CDK8: variants seen among roughly 807,000 people sequenced by gnomAD.
CDK8 encodes the protein cyclin dependent kinase 8.
Under a neutral mutation model 71.5 loss-of-function variants are expected in CDK8, and 29 were observed. The observed-to-expected ratio is 0.41, with a 90% CI of 0.30 to 0.55. The LOEUF (loss-of-function observed/expected upper bound fraction) is 0.55, where lower values mean the gene tolerates loss of function less well. Among genes scored for constraint, CDK8 ranks in the 20% least tolerant of loss-of-function variants. The pLI is 0.37. For missense variants in CDK8, 288 were observed against 572.6 expected, an observed-to-expected ratio of 0.50 and a Z score of 5.07; for synonymous variants, 161 against 192.1, an observed-to-expected ratio of 0.84 and a Z score of 1.34.
chr13:26,362,233 T>TGGATGGAG (rs1874179845), intron 4 of CDK8, among the ~76,000 whole-genome samples: 1 of 149,866 alleles, frequency 6.7e-6, no homozygotes, highest in African/African-American at 2.5e-5. Context: ...GATGGATGGA[T>TGGATGGAG]GGATGGATGG....
intron 1 of CDK8, among the ~76,000 whole-genome samples, chr13:26,300,797 A>G (rs970332744): frequency 2.0e-5 from 3 of 152,232 alleles, no homozygotes; most frequent in African/African-American, 4.8e-5. Context: ...GCAAACAGGT[A>G]TTGATTATCC....
Position 26,334,358 on chromosome 13 carries a change from A to G in CDK8, c.129-3209A>G, listed in dbSNP as rs138556521. ...AACAGTAGATATAATAGAATGTGTTATACCCTTGGATTGACCATCTGGTTA... is the reference window on the plus strand; with the variant it reads ...AACAGTAGATATAATAGAATGTGTTGTACCCTTGGATTGACCATCTGGTTA... On this transcript the variant is annotated intron_variant, in intron 1 of 12. Transcript: ENST00000381527. Among the ~76,000 whole-genome samples, 137 of 152,320 alleles carry G rather than the reference A, an allele frequency of 9.0e-4. 1 individual carries two copies. Among genetic ancestry groups the G allele is most frequent in the African/African-American group, 3.2e-3 (133 of 41,580 alleles).
chr13:26,375,542 C>T (rs1874905805), intron 4 of CDK8, among the ~76,000 whole-genome samples: 1 of 152,210 alleles, frequency 6.6e-6, no homozygotes, highest in Admixed American at 6.5e-5. Context: ...ATATATCTTT[C>T]CACACAGTAA....
intron 1 of CDK8, among the ~76,000 whole-genome samples, chr13:26,309,500 T>C (rs1445882508): frequency 2.6e-5 from 4 of 152,196 alleles, no homozygotes; most frequent in Admixed American, 1.3e-4. Context: ...TTTGAATTAT[T>C]ATACTTTAGT....
At chr13:26,393,768 T>C (rs188896522) in intron 7 of CDK8, among the ~76,000 whole-genome samples, 19 of 152,310 alleles carry the variant, frequency 1.2e-4, no homozygotes, top group Admixed American at 2.6e-4. Flanking sequence ...TGTTTTGTTA[T>C]TTGGTATTTG....
At chr13:26,313,259 T>C (rs1348626387) in intron 1 of CDK8, among the ~76,000 whole-genome samples, 1 of 152,164 alleles carries the variant, frequency 6.6e-6, no homozygotes, top group Non-Finnish European at 1.5e-5. Context: ...ATGTACTTAG[T>C]ACTATGTGCT....
chr13:26,359,848 T>C, intron 4 of CDK8: 1 of 252,032 alleles, frequency 4.0e-6, no homozygotes, highest in Non-Finnish European at 8.2e-6. Flanking sequence ...CCCAAGTAGC[T>C]GGGATTACAG....
chr13:26,273,561 A>G (rs976810157), intron 1 of CDK8, among the ~76,000 whole-genome samples: 15 of 152,090 alleles, frequency 9.9e-5, no homozygotes, highest in Non-Finnish European at 8.8e-5. Flanking sequence ...TTATACATAC[A>G]CATATATGAT....
At chr13:26,302,382 A>G (rs1284051094) in intron 1 of CDK8, among the ~76,000 whole-genome samples, 2 of 152,348 alleles carry the variant, frequency 1.3e-5, no homozygotes, top group Non-Finnish European at 2.9e-5. Context: ...TTTCCTATAT[A>G]TGAACCAATT....
chr13:26,329,285 ATCTC>A (rs1875176209), intron 1 of CDK8, among the ~76,000 whole-genome samples: 1 of 151,632 alleles, frequency 6.6e-6, no homozygotes, highest in Non-Finnish European at 1.5e-5. Context: ...TACTCCTCCC[ATCTC>A]TTAAAGGTGA....
chr13:26,301,024 G>A (rs2137915966), intron 1 of CDK8, among the ~76,000 whole-genome samples: 1 of 152,200 alleles, frequency 6.6e-6, no homozygotes, highest in Middle Eastern at 3.4e-3. Flanking sequence ...CAGGAAGACA[G>A]GAGTATTGCA....
At chr13:26,365,841 C>T (rs183418169) in intron 4 of CDK8, among the ~76,000 whole-genome samples, 4 of 152,044 alleles carry the variant, frequency 2.6e-5, no homozygotes, top group Admixed American at 6.6e-5. Context: ...TGATTTAATA[C>T]GATATTAATG....
rs560056456 is a variant in CDK8 at position 26,357,907 on chromosome 13, T to G, written c.456+4027T>G. On this transcript the variant is annotated intron_variant, in intron 4 of 12. Coordinates refer to ENST00000381527, the MANE Select transcript of CDK8 (RefSeq NM_001260.3). Reference sequence around the variant, plus strand: ...TGTGTTTTACTCAAAGTCCACTGATTTAAATGTTAATCTCATCCAACAAAA... The same window carrying G: ...TGTGTTTTACTCAAAGTCCACTGATGTAAATGTTAATCTCATCCAACAAAA... Among the ~76,000 whole-genome samples the G allele has an allele frequency of 5.9e-5, 9 of 152,340 alleles. No homozygotes were observed. In the South Asian group the frequency reaches 1.9e-3, roughly 32 times the overall value.
chr13:26,376,127 C>T (rs928856056), intron 4 of CDK8, among the ~76,000 whole-genome samples: 27 of 151,972 alleles, frequency 1.8e-4, no homozygotes, highest in African/African-American at 5.8e-4. Flanking sequence ...TGTTATACCA[C>T]CAAATCTATA....
intron 4 of CDK8, among the ~76,000 whole-genome samples, chr13:26,365,555 A>C (rs141653814): frequency 4.2e-4 from 64 of 152,228 alleles, no homozygotes; most frequent in African/African-American, 1.5e-3. Flanking sequence ...AAGAATGGTT[A>C]TTCTAAATTA....
At chr13:26,287,529 A>G (rs1873077663) in intron 1 of CDK8, among the ~76,000 whole-genome samples, 1 of 152,214 alleles carries the variant, frequency 6.6e-6, no homozygotes, top group African/African-American at 2.4e-5. Flanking sequence ...TGAGGATGCA[A>G]AGGCATAAGA....
chr13:26,259,548 C>G (rs1263839557), intron 1 of CDK8, among the ~76,000 whole-genome samples: 2 of 152,190 alleles, frequency 1.3e-5, no homozygotes, highest in East Asian at 3.9e-4. Flanking sequence ...GGAACGCACC[C>G]CTTGTGGATA....
chr13:26,262,494 C>A (rs962193167), intron 1 of CDK8, among the ~76,000 whole-genome samples: 1 of 152,062 alleles, frequency 6.6e-6, no homozygotes, highest in African/African-American at 2.4e-5. Flanking sequence ...AAAAGTAATA[C>A]CTGTGAAAAT....
rs59571405 is a variant in CDK8, at chr13:26,284,322, TAAACAA to T, written c.128+29562_128+29567del. ...CAGAACTAAACAAAATTGAAACAGA[TAAACAA>T]AAACAAAAGATAAATGCAAGAAAAA... On this transcript the variant is annotated intron_variant, in intron 1 of 12. Transcript: ENST00000381527. 8.0e-3 allele frequency among the ~76,000 whole-genome samples: 1,211 copies of T among 151,626 alleles called. 25 individuals carry two copies. Among genetic ancestry groups the T allele is most frequent in the African/African-American group, 0.026 (1,090 of 41,336 alleles).
Sources: allele counts gnomAD v4.1 joint callset (sites outside exome capture counted in the v4.1 genomes callset), GRCh38; gene constraint gnomAD v4.1.1; transcripts MANE v1.5; gene names NCBI Gene and HGNC (gene_info 2026-07-23, HGNC 2026-07-21).